The following CHL1 variants were observed in gnomAD, a reference collection of about 807,000 sequenced individuals.
The protein encoded by CHL1 is cell adhesion molecule L1 like, also known as neural cell adhesion molecule L1-like protein.
CHL1 carries 96 observed loss-of-function variants against 141.9 expected under a neutral mutation model. The observed-to-expected ratio is 0.68, with a 90% CI of 0.57 to 0.80. The LOEUF is 0.80. Ranked by LOEUF, CHL1 falls within the 30% of genes least tolerant of loss-of-function variation. The pLI is 0.00. For synonymous variants in CHL1, 613 were observed against 502.2 expected (o/e 1.22, Z -2.95); for missense variants, 1,820 against 1,457.2 (o/e 1.25, Z -4.05).
At chr3:361,665 A>C in intron 12 of CHL1, 34 bp from the exon 13 acceptor site, 1 of 1,471,132 alleles carries the variant, frequency 6.8e-7, no homozygotes, top group Non-Finnish European at 9.5e-7. Context: ...CTTCCACAAA[A>C]GTTTAAAACT....
At chr3:208,904 C>G (rs111801992) in intron 1 of CHL1, among the ~76,000 whole-genome samples, 1 of 152,022 alleles carries the variant, frequency 6.6e-6, no homozygotes, top group East Asian at 1.9e-4. Flanking sequence ...TATAGATGTC[C>G]TAAAATATCA....
At chr3:245,870 T>C (rs1266789109) in intron 2 of CHL1, among the ~76,000 whole-genome samples, 1 of 152,108 alleles carries the variant, frequency 6.6e-6, no homozygotes, top group African/African-American at 2.4e-5. Flanking sequence ...TCTTCTCTCA[T>C]CCACTGGAGT....
rs1709575346 is a variant in CHL1 at position 407,085 on chromosome 3, T to C, written c.*1374T>C. On this transcript the variant is annotated 3_prime_UTR_variant, in exon 28 of 28. Transcript: ENST00000256509. ...CAGTTGTGCTCCAGTCCTTTTAAAA[T>C]TGTACATGAACATGTTTTAGAAACA... is the stretch of plus-strand genomic sequence containing the variant. The C allele has an allele frequency of 6.6e-6, 1 of 152,132 alleles. No individual in the cohort carries two copies. The highest frequency in any genetic ancestry group is 2.4e-5 in the African/African-American group (1 of 41,438). 9.4% of individuals were successfully genotyped at this position (152,132 alleles called of 1,614,324 possible). A position where few individuals can be genotyped will look rare whatever the true frequency, so the allele number is the denominator to read the frequency against.
chr3:386,866 C>A (rs1310394763), intron 19 of CHL1, among the ~76,000 whole-genome samples: 1 of 152,012 alleles, frequency 6.6e-6, no homozygotes, highest in Non-Finnish European at 1.5e-5. Context: ...GTATTGTATT[C>A]TTGAAAATTG....
chr3:313,594 A>T (rs1203920327), intron 2 of CHL1, among the ~76,000 whole-genome samples: 1 of 152,214 alleles, frequency 6.6e-6, no homozygotes, highest in Non-Finnish European at 1.5e-5. Flanking sequence ...AATGATTATT[A>T]TTCAGAGTAC....
chr3:349,318 G>T (rs2272524), intron 9 of CHL1, 41 bp from the exon 10 acceptor site: 2 of 1,534,384 alleles, frequency 1.3e-6, no homozygotes, highest in Non-Finnish European at 1.8e-6. Flanking sequence ...TTTACTTTCC[G>T]CTTTTAAAAA....
intron 2 of CHL1, among the ~76,000 whole-genome samples, chr3:304,339 T>C (rs1559225923): frequency 6.6e-6 from 1 of 152,216 alleles, no homozygotes; most frequent in Non-Finnish European, 1.5e-5. Context: ...TTTGTACCTC[T>C]GGTAGAATAC....
chr3:297,960 C>T (rs1698352841), intron 2 of CHL1, among the ~76,000 whole-genome samples: 1 of 152,156 alleles, frequency 6.6e-6, no homozygotes, highest in South Asian at 2.1e-4. Flanking sequence ...AGGTCTGGTA[C>T]AGCTGTAAGG....
chr3:382,086 T>C (rs574796675), intron 16 of CHL1, 93 bp from the exon 17 acceptor site: 1 of 1,036,646 alleles, frequency 9.6e-7, no homozygotes, highest in Non-Finnish European at 1.4e-6. Flanking sequence ...GGGTGGTACC[T>C]CCTCTGTCTC....
chr3:276,636 T>A (rs528370659), intron 2 of CHL1, among the ~76,000 whole-genome samples: 4 of 151,812 alleles, frequency 2.6e-5, no homozygotes, highest in East Asian at 3.9e-4. Flanking sequence ...ACACCTGTAA[T>A]CCCAGCACTT....
chr3:260,066 A>G (rs935324685), intron 2 of CHL1, among the ~76,000 whole-genome samples: 12 of 152,194 alleles, frequency 7.9e-5, no homozygotes, highest in African/African-American at 2.4e-4. Flanking sequence ...GGAGTTCAAG[A>G]CCAGCCTGGC....
At position 285,962 on chromosome 3, in the gene CHL1, T is replaced by A. The variant is rs568686091; in HGVS notation, c.-94-33721T>A. Among the ~76,000 whole-genome samples, 3 of 152,022 alleles carry A rather than the reference T, an allele frequency of 2.0e-5. No homozygotes were observed. The South Asian group carries it at 6.2e-4, about 32-fold the overall frequency. On this transcript the variant is annotated intron_variant, in intron 2 of 27. Transcript: ENST00000256509. ...TCTGCATTTTGTTTCTCTCTGGCAGTTTTTTTTCTCCTGTCACTTTCAAGA... is the reference window on the plus strand; with the variant it reads ...TCTGCATTTTGTTTCTCTCTGGCAGATTTTTTTCTCCTGTCACTTTCAAGA...
At chr3:219,480 A>G (rs1163812773) in intron 1 of CHL1, among the ~76,000 whole-genome samples, 1 of 152,228 alleles carries the variant, frequency 6.6e-6, no homozygotes, top group East Asian at 1.9e-4. Flanking sequence ...AATGTAGTAC[A>G]TATGCACCAT....
intron 2 of CHL1, among the ~76,000 whole-genome samples, chr3:259,102 T>C (rs1257871803): frequency 1.3e-5 from 2 of 151,952 alleles, no homozygotes; most frequent in African/African-American, 4.8e-5. Context: ...CATGTCTTTT[T>C]TTTAGAGAGA....
chr3:310,644 C>T (rs1054462111), intron 2 of CHL1, among the ~76,000 whole-genome samples: 2 of 152,160 alleles, frequency 1.3e-5, no homozygotes, highest in African/African-American at 4.8e-5. Context: ...AAATTTCTCT[C>T]ATACTACCGG....
rs550661617 is a variant in CHL1, at chr3:402,937, A to G, written c.3458+1239A>G. Among the ~76,000 whole-genome samples, 3 of 152,326 alleles carry G rather than the reference A, an allele frequency of 2.0e-5. No homozygotes were observed. The South Asian group carries it at 6.2e-4, about 32-fold the overall frequency. On this transcript the variant is annotated intron_variant, in intron 27 of 27. Transcript: ENST00000256509. ...CAACAGCTTAAAACAATAAACATTT[A>G]TTATTTCAATGTCCTCATAATTCAG...
chr3:336,718 G>C (rs1013750235), intron 5 of CHL1, among the ~76,000 whole-genome samples: 3 of 152,212 alleles, frequency 2.0e-5, no homozygotes, highest in African/African-American at 7.2e-5. Context: ...TCTGTTTTCA[G>C]AAGTCTTCTT....
rs187318845 is a variant in CHL1, at chr3:330,227, C to T, written c.385+1873C>T. On this transcript the variant is annotated intron_variant, in intron 5 of 27. Coordinates refer to ENST00000256509, the MANE Select transcript of CHL1 (RefSeq NM_006614.4). ...TCTTTGAAAACTAAGAAATACATTT[C>T]TAAGTGAGTCTTAGGTCAAGTACCA... Among the ~76,000 whole-genome samples, 35 of 152,110 alleles carry T rather than the reference C, an allele frequency of 2.3e-4. No individual in the cohort carries two copies. The East Asian group carries it at 6.6e-3, about 29-fold the overall frequency.
rs1173196135 is a variant in CHL1 at position 196,906 on chromosome 3, CCGGGTGCGGACCAG to C, written c.-327_-314del. ...ACGGGCGGGACCTCCGCGGACAGCC[CCGGGTGCGGACCAG>C]CGGGCAGCGGCCGGCGAGACCCTCC... On this transcript the variant is annotated 5_prime_UTR_variant, in exon 1 of 28. Coordinates refer to ENST00000256509, the MANE Select transcript of CHL1 (RefSeq NM_006614.4). 1 of 152,610 alleles carries C rather than the reference CCGGGTGCGGACCAG, an allele frequency of 6.6e-6. No homozygotes were observed. The highest frequency in any genetic ancestry group is 1.5e-5 in the Non-Finnish European group (1 of 68,382). 9.5% of individuals were successfully genotyped at this position (152,610 alleles called of 1,614,324 possible).
Sources: allele counts gnomAD v4.1 joint callset (sites outside exome capture counted in the v4.1 genomes callset), GRCh38; gene constraint gnomAD v4.1.1; transcripts MANE v1.5; gene names NCBI Gene and HGNC (gene_info 2026-07-23, HGNC 2026-07-21).